The following USP44 variants were observed in gnomAD, a reference collection of about 807,000 sequenced individuals.
USP44 encodes the protein ubiquitin carboxyl-terminal hydrolase 44.
In USP44, 61 loss-of-function variants were observed where a neutral mutation model predicts 69.0. The observed-to-expected ratio is 0.88, with a 90% CI of 0.72 to 1.09. USP44 has a LOEUF of 1.09. Ranked by LOEUF, USP44 falls within the 50% of genes least tolerant of loss-of-function variation. USP44 has a pLI of 0.00. For missense variants in USP44, 753 were observed against 849.9 expected (o/e 0.89, Z 1.42); for synonymous variants, 297 against 295.4 (o/e 1.01, Z -0.06).
intron 4 of USP44, among the ~76,000 whole-genome samples, chr12:95,522,290 A>G (rs1237159195): frequency 2.0e-5 from 3 of 152,104 alleles, no homozygotes; most frequent in Non-Finnish European, 1.5e-5. Flanking sequence ...TAGTTTTATG[A>G]TGGAAAAAAA....
At chr12:95,521,232 C>G (rs1308212818) in intron 4 of USP44, 30 bp from the exon 5 acceptor site, 1 of 1,611,274 alleles carries the variant, frequency 6.2e-7, no homozygotes, top group Admixed American at 1.7e-5. Context: ...AAATTATCCA[C>G]ACAATTAAGG....
rs1416735053 is a variant in USP44 at position 95,517,490 on chromosome 12, T to A, written c.*664A>T. ...CAAAAATCATAAATCCCAGCCATCA[T>A]TTTTTTCATGTCCATAGTTCCAGAG... On this transcript the variant is annotated 3_prime_UTR_variant, in exon 6 of 6. Transcript: ENST00000258499. 5 of 86,898 alleles carry A rather than the reference T, an allele frequency of 5.8e-5. No individual in the cohort carries two copies. The highest frequency in any genetic ancestry group is 1.0e-4 in the Non-Finnish European group (4 of 39,036). 5.4% of individuals were successfully genotyped at this position (86,898 alleles called of 1,614,324 possible).
chr12:95,530,938 G>T (rs959575561), intron 2 of USP44, among the ~76,000 whole-genome samples: 1 of 152,172 alleles, frequency 6.6e-6, no homozygotes, highest in Non-Finnish European at 1.5e-5. Context: ...GCCGAGGCGC[G>T]TGGATCACAA....
chr12:95,536,902 ACTCG>A (rs2077223419), intron 1 of USP44, among the ~76,000 whole-genome samples: 1 of 152,098 alleles, frequency 6.6e-6, no homozygotes, highest in Non-Finnish European at 1.5e-5. Context: ...TTCTAAGGCC[ACTCG>A]CTGGTACCTG....
intron 1 of USP44, among the ~76,000 whole-genome samples, chr12:95,544,622 C>G (rs1437083037): frequency 6.6e-6 from 1 of 151,736 alleles, no homozygotes; most frequent in Non-Finnish European, 1.5e-5. Flanking sequence ...GATGAATAAA[C>G]ACACAAAAAA....
intron 1 of USP44, chr12:95,546,560 G>A (rs918515133): frequency 2.0e-5 from 3 of 152,118 alleles, no homozygotes; most frequent in Admixed American, 1.3e-4. Context: ...TCGGGCACAC[G>A]ATTTATTTCC....
chr12:95,524,647 A>G, intron 4 of USP44, 33 bp downstream of exon 4: 1 of 1,503,848 alleles, frequency 6.6e-7, no homozygotes, highest in Non-Finnish European at 9.1e-7. Context: ...AAGCACAAGG[A>G]ATGATAACTT....
Position 95,533,981 on chromosome 12 carries a change from AGTTGT to A in USP44, c.271_275del (p.Thr91TrpfsTer24). The A allele has an allele frequency of 1.9e-6, 3 of 1,614,196 alleles. No individual in the cohort carries two copies. The highest frequency in any genetic ancestry group is 2.5e-6 in the Non-Finnish European group (3 of 1,180,022). On this transcript the variant is annotated frameshift_variant, in exon 2 of 6. Coordinates refer to ENST00000258499, the MANE Select transcript of USP44 (RefSeq NM_032147.5). LOFTEE classifies it high-confidence loss of function. ...TACGTCGTAGTAACTTCAGGTCTCC[AGTTGT>A]GTTATCATTCAGAACATAATCATCA...
At chr12:95,545,313 T>C (rs554662271) in intron 1 of USP44, among the ~76,000 whole-genome samples, 39 of 151,424 alleles carry the variant, frequency 2.6e-4, no homozygotes, top group African/African-American at 8.5e-4. Flanking sequence ...AAAAAAAAAC[T>C]TGAAATCTCC....
intron 5 of USP44, among the ~76,000 whole-genome samples, chr12:95,520,515 G>T (rs1256499735): frequency 6.6e-6 from 1 of 152,036 alleles, no homozygotes. Flanking sequence ...GTGTTGGGGG[G>T]AGTAAAAAAT....
At position 95,533,384 on chromosome 12, in the gene USP44, C is replaced by CA; in HGVS notation, c.872dup (p.Leu291PhefsTer15). ...ATTGTCGAAAAATAAGTAAATGACTCAACACCTGAAGAACAGAATTCATAT... is the reference window on the plus strand; with the variant it reads ...ATTGTCGAAAAATAAGTAAATGACTCAAACACCTGAAGAACAGAATTCATAT... On this transcript the variant is annotated frameshift_variant, in exon 2 of 6. Coordinates refer to ENST00000258499, the MANE Select transcript of USP44 (RefSeq NM_032147.5). LOFTEE classifies it high-confidence loss of function. The CA allele has an allele frequency of 6.2e-7, 1 of 1,613,426 alleles. No individual in the cohort carries two copies.
chr12:95,539,748 T>C (rs1056150210), intron 1 of USP44, among the ~76,000 whole-genome samples: 1 of 152,234 alleles, frequency 6.6e-6, no homozygotes, highest in Non-Finnish European at 1.5e-5. Flanking sequence ...GTTAAATAAC[T>C]ATATTTGACT....
In USP44 at chr12:95,533,093, C is replaced by G. The variant is rs777867882; in HGVS notation, c.1164G>C (p.Leu388Phe). The G allele has an allele frequency of 8.1e-6, 13 of 1,614,206 alleles. No homozygotes were observed. Among genetic ancestry groups the G allele is most frequent in the Non-Finnish European group, 1.1e-5 (13 of 1,180,030 alleles). Reference protein sequence around the residue: ...YISLCHELHTLFQVMWSGKWA... With the variant: ...YISLCHELHTFFQVMWSGKWA... Reference sequence around the variant, plus strand: ...ACTTTCCAGACCACATGACTTGGAACAAAGTATGCAATTCATGACAAAGAG... The same window carrying G: ...ACTTTCCAGACCACATGACTTGGAAGAAAGTATGCAATTCATGACAAAGAG... Residue 388 changes from leucine (L) to phenylalanine (F), a missense_variant, in exon 2 of 6, where the codon TTG becomes TTC. Transcript: ENST00000258499.
At chr12:95,536,688 C>T (rs1014048682) in intron 1 of USP44, among the ~76,000 whole-genome samples, 8 of 152,196 alleles carry the variant, frequency 5.3e-5, no homozygotes, top group African/African-American at 1.4e-4. Context: ...ACCGGGATTA[C>T]TGCAGTAAGG....
rs7954430 is a variant in USP44, at chr12:95,529,716, C to T, written c.1429-714G>A. Among the ~76,000 whole-genome samples the T allele has an allele frequency of 6.4e-3, 969 of 152,250 alleles. 11 individuals are homozygous for T. Among genetic ancestry groups the T allele is most frequent in the African/African-American group, 0.022 (916 of 41,554 alleles). ...GATTACAGGCGTGAGCCACCATGCC[C>T]GGCCTCTCCTTCATCTTTTGCTGAT... is the stretch of plus-strand genomic sequence containing the variant. On this transcript the variant is annotated intron_variant, in intron 2 of 5. Transcript: ENST00000258499.
At chr12:95,521,292 C>A (rs2076654526) in intron 4 of USP44, 90 bp from the exon 5 acceptor site, 1 of 1,144,404 alleles carries the variant, frequency 8.7e-7, no homozygotes, top group South Asian at 1.3e-5. Context: ...TGACCCCAGG[C>A]AGCATGGAAT....
intron 4 of USP44, among the ~76,000 whole-genome samples, chr12:95,523,862 C>A (rs1407473881): frequency 6.6e-6 from 1 of 151,882 alleles, no homozygotes; most frequent in East Asian, 1.9e-4. Flanking sequence ...TGGCTCACAC[C>A]TGTCATCTCA....
Position 95,548,705 on chromosome 12 carries a change from C to A in USP44, c.-71+2567G>T, listed in dbSNP as rs2140405796. On this transcript the variant is annotated intron_variant, in intron 1 of 5. Coordinates refer to ENST00000258499, the MANE Select transcript of USP44 (RefSeq NM_032147.5). The surrounding 1 kb of genome is among the most constrained non-coding windows in gnomAD (Gnocchi z 4.1). Reference sequence around the variant, plus strand: ...CCCGGCCCCGGGGGCTGCCGTCGCACGTCCGCTCCCGCAGGGGTCCTCACT... The same window carrying A: ...CCCGGCCCCGGGGGCTGCCGTCGCAAGTCCGCTCCCGCAGGGGTCCTCACT... The A allele has an allele frequency of 6.6e-6, 1 of 152,294 alleles. No homozygotes were observed. The highest frequency in any genetic ancestry group is 2.1e-4 in the South Asian group (1 of 4,834). 9.4% of individuals were successfully genotyped at this position (152,294 alleles called of 1,614,324 possible). A position where few individuals can be genotyped will look rare whatever the true frequency, so the allele number is the denominator to read the frequency against.
In USP44 at chr12:95,517,937, G is replaced by C. The variant is rs1486849403; in HGVS notation, c.*217C>G. 1 of 445,122 alleles carries C rather than the reference G, an allele frequency of 2.2e-6. No individual in the cohort carries two copies. Among genetic ancestry groups the C allele is most frequent in the Non-Finnish European group, 3.9e-6 (1 of 254,818 alleles). 27.6% of individuals were successfully genotyped at this position (445,122 alleles called of 1,614,324 possible). On this transcript the variant is annotated 3_prime_UTR_variant, in exon 6 of 6. Transcript: ENST00000258499. ...TATAAAAGAGGTAACATCAGTCTGA[G>C]GTAAACACCAAAAGTTTAAAACTCC...
Sources: gnomAD v4.1 joint callset for allele counts (sites outside exome capture counted in the v4.1 genomes callset) on GRCh38, gnomAD v4.1.1 for gene constraint, Gnocchi (gnomAD v3.1) non-coding constraint, MANE v1.5 for transcripts, NCBI Gene and HGNC (gene_info 2026-07-23, HGNC 2026-07-21) for gene names.